NPM1: variants seen among roughly 807,000 people sequenced by gnomAD.
NPM1 encodes nucleophosmin.
A neutral mutation model predicts 44.1 loss-of-function variants in NPM1; 1 was observed. The ratio of observed to expected loss-of-function variants is 0.02; its 90% confidence interval spans 0.01 to 0.11. The LOEUF (loss-of-function observed/expected upper bound fraction) is 0.11, where lower values mean the gene tolerates loss of function less well. Among genes scored for constraint, NPM1 ranks in the 10% least tolerant of loss-of-function variants. The probability of loss-of-function intolerance (pLI) is 1.00; values close to 1 mark genes in which losing one functional copy is unlikely to be tolerated. For missense variants in NPM1, 197 were observed against 347.8 expected, an observed-to-expected ratio of 0.57 and a Z score of 3.45; for synonymous variants, 126 against 111.8, an observed-to-expected ratio of 1.13 and a Z score of -0.80.
intron 8 of NPM1, 135 bp downstream of exon 8, chr5:171,401,060 C>A: frequency 3.1e-6 from 2 of 639,484 alleles, no homozygotes; most frequent in South Asian, 3.7e-5. Flanking sequence ...AAGTTAAAAT[C>A]AGCTTGCTGC....
chr5:171,388,313 G>A (rs1465050095), intron 1 of NPM1, among the ~76,000 whole-genome samples: 1 of 152,190 alleles, frequency 6.6e-6, no homozygotes, highest in Non-Finnish European at 1.5e-5. Flanking sequence ...CCGGGGATAC[G>A]TGGCGGAGCT....
chr5:171,404,555 G>A (rs1257227677), intron 8 of NPM1, among the ~76,000 whole-genome samples: 1 of 79,538 alleles, frequency 1.3e-5, no homozygotes, highest in Non-Finnish European at 2.5e-5. Context: ...GGGCAGAGAC[G>A]CTCCTCACTT....
At chr5:171,401,179 GA>G (rs1248070773) in intron 8 of NPM1, among the ~76,000 whole-genome samples, 7 of 151,978 alleles carry the variant, frequency 4.6e-5, no homozygotes, top group Non-Finnish European at 1.0e-4. Flanking sequence ...CCAACATCGT[GA>G]AACCCTGTCT....
Position 171,404,126 on chromosome 5 carries a change from G to C in NPM1, c.670-1176G>C, listed in dbSNP as rs1471810690. 8.6e-4 allele frequency among the ~76,000 whole-genome samples: 69 copies of C among 80,168 alleles called. 4 individuals carry two copies. In the South Asian group the frequency reaches 0.018, roughly 21 times the overall value. The allele number at this position is 80,168 out of a possible 152,430, so 52.6% of individuals were successfully genotyped here. On this transcript the variant is annotated intron_variant, in intron 8 of 10. Coordinates refer to ENST00000296930, the MANE Select transcript of NPM1 (RefSeq NM_002520.7). Reference sequence around the variant, plus strand: ...CCTCCCGGACGGCACGGCTGGCCAGGTGGGGGGCTGACCCCCCCACCTCCC... The same window carrying C: ...CCTCCCGGACGGCACGGCTGGCCAGCTGGGGGGCTGACCCCCCCACCTCCC...
At position 171,400,829 on chromosome 5, in the gene NPM1, C is replaced by CTA; in HGVS notation, c.583-9_583-8dup. ...CAGGGACAGTGATTAAGATAAATTT[C>CTA]TAATTGCAGTCTATACGAGATACTC... On this transcript the variant is annotated splice_polypyrimidine_tract_variant and intron_variant, in intron 7 of 10. Transcript: ENST00000296930. 6.3e-7 allele frequency: 1 copy of CTA among 1,579,838 alleles called. No homozygotes were observed. The highest frequency in any genetic ancestry group is 8.7e-7 in the Non-Finnish European group (1 of 1,150,604).
chr5:171,390,207 CT>C (rs936422264), intron 2 of NPM1, 77 bp downstream of exon 2: 27 of 778,488 alleles, frequency 3.5e-5, no homozygotes, highest in Middle Eastern at 2.3e-4. Flanking sequence ...TGGCTTGAGA[CT>C]TTTTTTCCTT....
At chr5:171,390,007 GTTAT>G in intron 1 of NPM1, 40 bp from the exon 2 acceptor site, 2 of 1,208,244 alleles carry the variant, frequency 1.7e-6, no homozygotes, top group Non-Finnish European at 2.4e-6. Flanking sequence ...AAGTTTCAGT[GTTAT>G]TTTTCTCCTT....
At chr5:171,404,001 T>A (rs577123245) in intron 8 of NPM1, among the ~76,000 whole-genome samples, 20 of 58,296 alleles carry the variant, frequency 3.4e-4, no homozygotes, top group African/African-American at 3.7e-4. Flanking sequence ...CTGGCCGGGC[T>A]GAGGGGCTCC....
At chr5:171,394,463 C>T (rs778363227) in intron 6 of NPM1, among the ~76,000 whole-genome samples, 21 of 152,048 alleles carry the variant, frequency 1.4e-4, no homozygotes, top group African/African-American at 2.7e-4. Context: ...CATGAGCCAC[C>T]GTGCCCGGCC....
chr5:171,387,842 C>T (rs999174181), upstream of NPM1: 33 of 1,049,912 alleles, frequency 3.1e-5, no homozygotes, highest in Middle Eastern at 2.9e-4. Flanking sequence ...CGCGGGGAGC[C>T]TGCGTCCTTT....
At chr5:171,389,228 T>C (rs1000400114) in intron 1 of NPM1, among the ~76,000 whole-genome samples, 1 of 152,222 alleles carries the variant, frequency 6.6e-6, no homozygotes, top group African/African-American at 2.4e-5. Context: ...TACCGTGAAT[T>C]TTATCTTGTT....
rs368504792 is a variant in NPM1, at chr5:171,387,946, C to G, written c.-3C>G. ...CTCCTACCTAAGTGCGTGCCGCCAC[C>G]CGATGGAAGATTCGATGGACATGGA... is the stretch of plus-strand genomic sequence containing the variant. On this transcript the variant is annotated 5_prime_UTR_variant, in exon 1 of 11. Transcript: ENST00000296930. The G allele has an allele frequency of 5.6e-6, 9 of 1,612,210 alleles. No individual in the cohort carries two copies. The highest frequency in any genetic ancestry group is 5.5e-5 in the South Asian group (5 of 90,998).
chr5:171,392,639 C>G, intron 4 of NPM1, 71 bp from the exon 5 acceptor site: 1 of 774,402 alleles, frequency 1.3e-6, no homozygotes, highest in Non-Finnish European at 2.0e-6. Context: ...AGAGTATTTA[C>G]TATCAGTGTT....
chr5:171,395,962 A>ATTTTTTTTTTTT (rs200119475), intron 6 of NPM1, among the ~76,000 whole-genome samples: 1 of 133,440 alleles, frequency 7.5e-6, no homozygotes. Flanking sequence ...AGTAAAGCTG[A>ATTTTTTTTTTTT]ATTTTTTTTT....
At chr5:171,388,717 T>C (rs1051903664) in intron 1 of NPM1, among the ~76,000 whole-genome samples, 5 of 152,248 alleles carry the variant, frequency 3.3e-5, no homozygotes, top group African/African-American at 1.2e-4. Context: ...ACTAGGGTTC[T>C]GGAGGTCTTT....
intron 9 of NPM1, chr5:171,406,404 GA>G: frequency 6.2e-7 from 1 of 1,612,932 alleles, no homozygotes; most frequent in Non-Finnish European, 8.5e-7. Flanking sequence ...CAGGCGCATT[GA>G]ACAGTCCTGG....
intron 9 of NPM1, 75 bp downstream of exon 9, chr5:171,405,478 GTTTC>G (rs1771514615): frequency 5.6e-6 from 4 of 709,412 alleles, no homozygotes; most frequent in African/African-American, 1.8e-5. Context: ...AGACTTGAAT[GTTTC>G]TTGTTTTTTT....
Position 171,400,174 on chromosome 5 carries a change from T to A in NPM1, c.546T>A (p.Asp182Glu), listed in dbSNP as rs1246596490. The change falls in exon 7 of 11, where the codon GAT (aspartate) becomes GAA (glutamate). Residue 182 changes from aspartate (D) to glutamate (E), a missense_variant. Physicochemically the swap from Asp to Glu is conservative, Grantham distance 45. This residue lies in a region of NPM1 where 91 missense variants were observed against 94.0 expected (regional missense o/e 0.97). Transcript: ENST00000296930. ...DDEDDDDDDF[D>E]DEEAEEKAPV... The stretch of plus-strand genomic sequence containing the variant: ...GTAGTGATGATGATGATGATTTTGA[T>A]GATGAGGAAGCTGAAGAAAAAGCGC... 1 of 1,600,968 alleles carries A rather than the reference T, an allele frequency of 6.2e-7. No individual in the cohort carries two copies. The highest frequency in any genetic ancestry group is 8.6e-7 in the Non-Finnish European group (1 of 1,168,214).
At chr5:171,391,938 G>A in intron 4 of NPM1, 139 bp downstream of exon 4, 1 of 429,036 alleles carries the variant, frequency 2.3e-6, no homozygotes, top group South Asian at 4.2e-5. Flanking sequence ...AATTGGAGAG[G>A]ACAAATAAAT....
Sources: gnomAD v4.1 joint callset for allele counts (sites outside exome capture counted in the v4.1 genomes callset) on GRCh38, gnomAD v4.1.1 for gene constraint, gnomAD v4.1.1 regional missense constraint, MANE v1.5 for transcripts, NCBI Gene and HGNC (gene_info 2026-07-23, HGNC 2026-07-21) for gene names.